CCDC91: variants seen among roughly 807,000 people sequenced by gnomAD.
The protein encoded by CCDC91 is coiled-coil domain containing 91.
A neutral mutation model predicts 63.2 loss-of-function variants in CCDC91; 48 were observed. That is an observed-to-expected ratio of 0.76 (90% CI 0.60 to 0.97). CCDC91 has a LOEUF of 0.97. Among genes scored for constraint, CCDC91 ranks in the 50% least tolerant of loss-of-function variants. The probability of loss-of-function intolerance (pLI) is 0.00; values close to 1 mark genes in which losing one functional copy is unlikely to be tolerated. For missense variants in CCDC91, 500 were observed against 494.6 expected (o/e 1.01, Z -0.10); for synonymous variants, 167 against 165.8 (o/e 1.01, Z -0.06).
chr12:28,481,918 C>T (rs1951469373), intron 11 of CCDC91, among the ~76,000 whole-genome samples: 1 of 151,834 alleles, frequency 6.6e-6, no homozygotes, highest in South Asian at 2.1e-4. Context: ...TTCACTAACT[C>T]TTCATGTTTT....
At chr12:28,523,517 A>T (rs1339868329) in intron 12 of CCDC91, among the ~76,000 whole-genome samples, 1 of 151,672 alleles carries the variant, frequency 6.6e-6, no homozygotes, top group African/African-American at 2.4e-5. Flanking sequence ...ATGGGTCTTG[A>T]CTCTTTATCC....
intron 7 of CCDC91, among the ~76,000 whole-genome samples, chr12:28,384,997 T>C (rs1353725824): frequency 6.6e-6 from 1 of 152,050 alleles, no homozygotes; most frequent in Non-Finnish European, 1.5e-5. Flanking sequence ...AGTAATATTT[T>C]GCTGAAAAAA....
At chr12:28,537,682 T>G (rs1345964367) in intron 12 of CCDC91, among the ~76,000 whole-genome samples, 1 of 152,208 alleles carries the variant, frequency 6.6e-6, no homozygotes, top group Non-Finnish European at 1.5e-5. Context: ...TTTGTACTTT[T>G]TCTATTCTTA....
intron 6 of CCDC91, among the ~76,000 whole-genome samples, chr12:28,321,008 G>A (rs1471628532): frequency 6.6e-6 from 1 of 151,910 alleles, no homozygotes; most frequent in East Asian, 1.9e-4. Context: ...GAAGGACATT[G>A]TGGTTTTGAA....
chr12:28,404,069 A>G (rs1351495659), intron 8 of CCDC91, among the ~76,000 whole-genome samples: 1 of 151,488 alleles, frequency 6.6e-6, no homozygotes, highest in Non-Finnish European at 1.5e-5. Flanking sequence ...TTTAGATTTA[A>G]TTTACTCTTG....
chr12:28,324,470 G>T (rs1452152469), intron 6 of CCDC91, among the ~76,000 whole-genome samples: 1 of 151,758 alleles, frequency 6.6e-6, no homozygotes, highest in Non-Finnish European at 1.5e-5. Context: ...CAATGCCATT[G>T]CCCTAGCCTA....
chr12:28,199,226 T>C (rs887707754), intron 1 of CCDC91, among the ~76,000 whole-genome samples: 3 of 152,166 alleles, frequency 2.0e-5, no homozygotes, highest in African/African-American at 7.2e-5. Flanking sequence ...ACGTTTCTTT[T>C]ACTAAATATT....
At chr12:28,488,657 A>G (rs1428209514) in intron 12 of CCDC91, among the ~76,000 whole-genome samples, 1 of 151,914 alleles carries the variant, frequency 6.6e-6, no homozygotes, top group Admixed American at 6.6e-5. Flanking sequence ...TAAATTTTCC[A>G]TTGAACTTGG....
At position 28,307,756 on chromosome 12, in the gene CCDC91, C is replaced by T. The variant is rs756480040; in HGVS notation, c.576+7C>T. On this transcript the variant is annotated splice_region_variant and intron_variant, in intron 6 of 12. Coordinates refer to ENST00000536442, the MANE Select transcript of CCDC91 (RefSeq NM_018318.5). ...TAGATACAAAGAACTTCAGGTAAGG[C>T]GATTGAACTTAAGATTTAAAATGTA... The T allele has an allele frequency of 4.7e-5, 66 of 1,418,566 alleles. No individual in the cohort carries two copies. The highest frequency in any genetic ancestry group is 1.6e-4 in the South Asian group (13 of 81,432). 87.9% of individuals were successfully genotyped at this position (1,418,566 alleles called of 1,614,324 possible). A position where few individuals can be genotyped will look rare whatever the true frequency, so the allele number is the denominator to read the frequency against.
intron 6 of CCDC91, among the ~76,000 whole-genome samples, chr12:28,329,858 A>T (rs964458044): frequency 2.0e-5 from 3 of 152,078 alleles, no homozygotes; most frequent in Non-Finnish European, 4.4e-5. Context: ...GAGTGAGAAC[A>T]TGTGGTGTTT....
intron 2 of CCDC91, among the ~76,000 whole-genome samples, 189 bp from the exon 3 acceptor site, chr12:28,259,175 A>G (rs1592128536): frequency 6.6e-6 from 1 of 152,050 alleles, no homozygotes; most frequent in African/African-American, 2.4e-5. Flanking sequence ...TTAATAAGGC[A>G]TGGGTACTGG....
chr12:28,493,401 T>C (rs1182807243), intron 12 of CCDC91, among the ~76,000 whole-genome samples: 1 of 151,744 alleles, frequency 6.6e-6, no homozygotes, highest in African/African-American at 2.4e-5. Flanking sequence ...TTTTACAGGC[T>C]CCATCTAATT....
intron 3 of CCDC91, among the ~76,000 whole-genome samples, chr12:28,261,952 A>C (rs530318880): frequency 6.6e-6 from 1 of 152,156 alleles, no homozygotes; most frequent in South Asian, 2.1e-4. Flanking sequence ...GAGAATAACA[A>C]ACATGGCTAA....
At chr12:28,348,548 A>G (rs1942970479) in intron 6 of CCDC91, among the ~76,000 whole-genome samples, 1 of 152,164 alleles carries the variant, frequency 6.6e-6, no homozygotes, top group Non-Finnish European at 1.5e-5. Context: ...AAATGTTGAT[A>G]GCACCATGAT....
chr12:28,412,846 A>G (rs1324548668), intron 8 of CCDC91: 4 of 446,978 alleles, frequency 8.9e-6, no homozygotes, highest in Admixed American at 4.8e-5. Flanking sequence ...GTATTTTACA[A>G]TCCTCTTGTA....
At chr12:28,433,429 C>T (rs951465455) in intron 8 of CCDC91, among the ~76,000 whole-genome samples, 21 of 151,846 alleles carry the variant, frequency 1.4e-4, no homozygotes, top group African/African-American at 4.6e-4. Flanking sequence ...TAGTTTTTTG[C>T]GTGTGGATGT....
chr12:28,297,634 A>G (rs1053047854), intron 3 of CCDC91, among the ~76,000 whole-genome samples: 1 of 151,894 alleles, frequency 6.6e-6, no homozygotes, highest in African/African-American at 2.4e-5. Context: ...AAAATTTTAT[A>G]GATTTCTCTT....
intron 8 of CCDC91, among the ~76,000 whole-genome samples, chr12:28,443,139 T>TTC (rs1555214488): frequency 0.025 from 6 of 244 alleles, no homozygotes; most frequent in Non-Finnish European, 0.05. Context: ...TTTGAATTTT[T>TTC]TTCCCAGGTC....
intron 1 of CCDC91, among the ~76,000 whole-genome samples, chr12:28,221,144 G>GT (rs1455454732): frequency 1.3e-5 from 2 of 151,744 alleles, no homozygotes; most frequent in South Asian, 2.1e-4. Flanking sequence ...TACTATTGCT[G>GT]TTTTTTTAAC....
Sources: gnomAD v4.1 joint callset for allele counts (sites outside exome capture counted in the v4.1 genomes callset) on GRCh38, gnomAD v4.1.1 for gene constraint, MANE v1.5 for transcripts, NCBI Gene and HGNC (gene_info 2026-07-23, HGNC 2026-07-21) for gene names.